The following LRP1B variants were observed in gnomAD, a reference collection of about 807,000 sequenced individuals.
The protein encoded by LRP1B is LDL receptor related protein 1B.
Under a neutral mutation model 556.6 loss-of-function variants are expected in LRP1B, and 217 were observed. That is an observed-to-expected ratio of 0.39 (90% confidence interval 0.35 to 0.44). The LOEUF (loss-of-function observed/expected upper bound fraction) is 0.44. LRP1B is among the 20% of genes least tolerant of loss of function. The pLI is 1.00. For missense variants in LRP1B, 5,053 were observed against 5,620.8 expected, an observed-to-expected ratio of 0.90 and a Z score of 3.23; for synonymous variants, 2,047 against 1,865.8, an observed-to-expected ratio of 1.10 and a Z score of -2.50.
chr2:140,608,806 T>G (rs1056287837), intron 41 of LRP1B, among the ~76,000 whole-genome samples: 3 of 151,906 alleles, frequency 2.0e-5, no homozygotes. Context: ...CAGCTTGAAG[T>G]TTTAAAGTGA....
intron 31 of LRP1B, 38 bp downstream of exon 31, chr2:140,839,953 A>G (rs377411711): frequency 2.8e-5 from 35 of 1,239,194 alleles, no homozygotes; most frequent in African/African-American, 2.7e-4. Context: ...CAGGTTTGTC[A>G]CATTGAAAAC....
At chr2:140,348,891 T>C (rs1371840378) in intron 77 of LRP1B, among the ~76,000 whole-genome samples, 1 of 152,148 alleles carries the variant, frequency 6.6e-6, no homozygotes, top group African/African-American at 2.4e-5. Flanking sequence ...CCAACCTTTC[T>C]GGCACCAGGG....
At chr2:140,872,530 C>G (rs555072041) in intron 25 of LRP1B, among the ~76,000 whole-genome samples, 1 of 151,584 alleles carries the variant, frequency 6.6e-6, no homozygotes, top group East Asian at 1.9e-4. Flanking sequence ...ATAATTTTCC[C>G]CTTTTGGAGA....
chr2:141,277,143 G>C (rs1259122535), intron 3 of LRP1B, among the ~76,000 whole-genome samples: 1 of 152,048 alleles, frequency 6.6e-6, no homozygotes, highest in African/African-American at 2.4e-5. Context: ...ATTTTCCTTT[G>C]GGTGTATATT....
intron 1 of LRP1B, among the ~76,000 whole-genome samples, chr2:141,935,152 T>C (rs1700601391): frequency 1.3e-5 from 2 of 152,158 alleles, no homozygotes; most frequent in Admixed American, 6.5e-5. Context: ...GGTGAATACA[T>C]AGCTATTGGT....
chr2:141,729,891 G>A (rs1157893029), intron 2 of LRP1B, among the ~76,000 whole-genome samples: 1 of 152,102 alleles, frequency 6.6e-6, no homozygotes, highest in Admixed American at 6.6e-5. Context: ...GATAGAGCAA[G>A]AGTCTGATAA....
chr2:140,720,989 A>C (rs935338256), intron 35 of LRP1B, among the ~76,000 whole-genome samples: 6 of 152,124 alleles, frequency 3.9e-5, no homozygotes, highest in African/African-American at 1.4e-4. Context: ...AACATTTCAC[A>C]AAGTTGCTTT....
At chr2:140,416,653 TA>T (rs113247793) in intron 66 of LRP1B, among the ~76,000 whole-genome samples, 19,579 of 146,416 alleles carry the variant, frequency 0.13, 1,918 homozygotes, top group African/African-American at 0.28. Context: ...AAACTCTGTC[TA>T]AAAAAAAAAA....
At chr2:140,706,967 G>C (rs1686861162) in intron 37 of LRP1B, among the ~76,000 whole-genome samples, 1 of 152,074 alleles carries the variant, frequency 6.6e-6, no homozygotes, top group East Asian at 1.9e-4. Context: ...GGGTAATGGA[G>C]TGAAAGAAAA....
At chr2:141,490,188 G>A (rs755255908) in intron 2 of LRP1B, among the ~76,000 whole-genome samples, 5 of 152,004 alleles carry the variant, frequency 3.3e-5, no homozygotes, top group African/African-American at 4.8e-5. Flanking sequence ...AACATATAGA[G>A]CTTTATTTAT....
chr2:141,646,369 A>T (rs1689563707), intron 2 of LRP1B, among the ~76,000 whole-genome samples: 1 of 152,166 alleles, frequency 6.6e-6, no homozygotes. Flanking sequence ...GCCAACTTAT[A>T]CATCTCCTCC....
intron 61 of LRP1B, 128 bp downstream of exon 61, chr2:140,457,335 G>T: frequency 1.4e-6 from 1 of 730,050 alleles, no homozygotes; most frequent in Non-Finnish European, 2.2e-6. Context: ...TCCATAAAGT[G>T]ATGCTAAATA....
At chr2:140,616,118 T>G (rs1223193562) in intron 41 of LRP1B, among the ~76,000 whole-genome samples, 1 of 151,246 alleles carries the variant, frequency 6.6e-6, no homozygotes, top group Non-Finnish European at 1.5e-5. Context: ...AAAAAAAAAG[T>G]TATTTAAAAT....
intron 3 of LRP1B, among the ~76,000 whole-genome samples, chr2:141,474,503 A>G: frequency 6.6e-6 from 1 of 152,336 alleles, no homozygotes; most frequent in Non-Finnish European, 1.5e-5. Flanking sequence ...AACAGAAGTT[A>G]TCATCTAAAT....
chr2:141,367,808 C>T (rs1389978673), intron 3 of LRP1B, among the ~76,000 whole-genome samples: 1 of 151,892 alleles, frequency 6.6e-6, no homozygotes, highest in Admixed American at 6.6e-5. Context: ...ATTTAACCAT[C>T]AATGCCTATT....
chr2:140,510,365 A>G (rs1689600436), intron 51 of LRP1B, among the ~76,000 whole-genome samples: 1 of 152,252 alleles, frequency 6.6e-6, no homozygotes, highest in South Asian at 2.1e-4. Context: ...ACACTGAGAT[A>G]ACATTTCTAA....
chr2:141,342,995 AG>A (rs1458442571), intron 3 of LRP1B, among the ~76,000 whole-genome samples: 9 of 152,308 alleles, frequency 5.9e-5, no homozygotes, highest in African/African-American at 1.7e-4. Flanking sequence ...TTACCCACAA[AG>A]GGAAGCCCAT....
intron 1 of LRP1B, among the ~76,000 whole-genome samples, chr2:141,852,375 C>T (rs964125388): frequency 5.9e-5 from 9 of 151,642 alleles, no homozygotes; most frequent in Non-Finnish European, 1.2e-4. Context: ...ATAAAGTGAT[C>T]TTTCTAATAG....
chr2:140,660,886 A>T (rs555666722), intron 41 of LRP1B, among the ~76,000 whole-genome samples: 7 of 140,282 alleles, frequency 5.0e-5, no homozygotes, highest in Non-Finnish European at 9.4e-5. Flanking sequence ...TTTTTTTTTT[A>T]AACTCTCATT....
Sources: allele counts gnomAD v4.1 joint callset (sites outside exome capture counted in the v4.1 genomes callset), GRCh38; gene constraint gnomAD v4.1.1; transcripts MANE v1.5; gene names NCBI Gene and HGNC (gene_info 2026-07-23, HGNC 2026-07-21).